ADGRL2: variants seen among roughly 807,000 people sequenced by gnomAD.
The protein encoded by ADGRL2 is adhesion G protein-coupled receptor L2.
ADGRL2 carries 44 observed loss-of-function variants against 157.4 expected under a neutral mutation model. That is an observed-to-expected ratio of 0.28 (90% CI 0.22 to 0.36). The LOEUF (loss-of-function observed/expected upper bound fraction) is 0.36, where lower values mean the gene tolerates loss of function less well. ADGRL2 is among the 10% of genes least tolerant of loss of function. The pLI is 1.00. For missense variants in ADGRL2, 1,510 were observed against 1,768.9 expected, an observed-to-expected ratio of 0.85 and a Z score of 2.63; for synonymous variants, 585 against 624.7, an observed-to-expected ratio of 0.94 and a Z score of 0.95.
chr1:81,962,611 T>C (rs1229839044), intron 11 of ADGRL2, among the ~76,000 whole-genome samples: 1 of 152,178 alleles, frequency 6.6e-6, no homozygotes, highest in Non-Finnish European at 1.5e-5. Flanking sequence ...GATCTTATAC[T>C]TCCCTTGTAA....
intron 2 of ADGRL2, among the ~76,000 whole-genome samples, chr1:81,482,379 G>A (rs756687118): frequency 2.1e-4 from 32 of 151,684 alleles, no homozygotes; most frequent in Admixed American, 1.2e-3. Flanking sequence ...CAAGTAATAC[G>A]TGTTTATTAT....
chr1:81,803,410 G>A (rs543279383), intron 1 of ADGRL2, among the ~76,000 whole-genome samples: 1 of 152,162 alleles, frequency 6.6e-6, no homozygotes, highest in African/African-American at 2.4e-5. Flanking sequence ...TAATGCTAAA[G>A]TGTCGCTGAG....
In ADGRL2 at chr1:81,622,305, G is replaced by A. The variant is rs1018290646; in HGVS notation, c.-143+41325G>A. Among the ~76,000 whole-genome samples the A allele has an allele frequency of 8.6e-5, 13 of 152,016 alleles. No individual in the cohort carries two copies. In the South Asian group the frequency reaches 1.0e-3, roughly 12 times the overall value. On this transcript the variant is annotated intron_variant, in intron 3 of 24. Transcript: ENST00000370721. The stretch of plus-strand genomic sequence containing the variant: ...TTTAAAACCTACGTTTTTTTTGGCC[G>A]GGCACGGTAGCTCATGCCTGTAATC...
rs1648821234 is a variant in ADGRL2, at chr1:81,943,695, A to G, written c.1136A>G (p.Asn379Ser). 1.9e-6 allele frequency: 3 copies of G among 1,613,512 alleles called. No homozygotes were observed. The highest frequency in any genetic ancestry group is 1.7e-6 in the Non-Finnish European group (2 of 1,179,662). The change falls in exon 6 of 24, where the codon AAC (asparagine) becomes AGC (serine). Residue 379 changes from asparagine (N) to serine (S), a missense_variant. Physicochemically the swap from Asn to Ser is conservative, Grantham distance 46. This residue lies in a region of ADGRL2 where 361 missense variants were observed against 498.4 expected (regional missense o/e 0.72). Coordinates refer to ENST00000686636, the MANE Select transcript of ADGRL2 (RefSeq NM_001366006.2). This position sits in a 1 kb window ranked among gnomAD's most constrained non-coding sequence, Gnocchi z 5.6. The stretch of plus-strand genomic sequence containing the variant: ...GCAGTGGATTACAATCCAAGAGATA[A>G]CCAACTTTACGTGTGGAACAATAAC... ...IAAVDYNPRD[N>S]QLYVWNNNFI... is the part of the protein sequence containing the mutation.
chr1:81,747,237 A>C (rs906098842), intron 1 of ADGRL2, among the ~76,000 whole-genome samples: 1 of 148,116 alleles, frequency 6.8e-6, no homozygotes, highest in African/African-American at 2.5e-5. Flanking sequence ...ATATATACAT[A>C]TATATGTATA....
chr1:81,616,669 C>CTTTTTTT (rs1304177259), intron 3 of ADGRL2, among the ~76,000 whole-genome samples: 2 of 103,778 alleles, frequency 1.9e-5, no homozygotes, highest in Non-Finnish European at 3.9e-5. Context: ...CTTTTCTTTT[C>CTTTTTTT]TTTTCTTTTC....
chr1:81,365,515 A>G (rs1462180136), intron 1 of ADGRL2, among the ~76,000 whole-genome samples: 3 of 152,078 alleles, frequency 2.0e-5, no homozygotes, highest in Non-Finnish European at 4.4e-5. Flanking sequence ...TGTTATGCTT[A>G]TTTCTATCAA....
chr1:81,362,697 A>G (rs2076000460), intron 1 of ADGRL2, among the ~76,000 whole-genome samples: 2 of 151,988 alleles, frequency 1.3e-5, no homozygotes, highest in African/African-American at 2.4e-5. Flanking sequence ...ACTGAAAAAA[A>G]TGCTCATCCT....
chr1:81,699,988 C>T (rs1383048423), intron 1 of ADGRL2, among the ~76,000 whole-genome samples: 1 of 152,144 alleles, frequency 6.6e-6, no homozygotes, highest in Non-Finnish European at 1.5e-5. Flanking sequence ...TAGCCAGCCC[C>T]TGCAATAGCT....
intron 3 of ADGRL2, among the ~76,000 whole-genome samples, chr1:81,931,175 A>G (rs2095223046): frequency 6.6e-6 from 1 of 151,942 alleles, no homozygotes; most frequent in Admixed American, 6.6e-5. Flanking sequence ...AAATAAACAA[A>G]ATTCAGTGTT....
chr1:81,759,330 C>A (rs1433355837), intron 1 of ADGRL2, among the ~76,000 whole-genome samples: 1 of 152,180 alleles, frequency 6.6e-6, no homozygotes, highest in East Asian at 1.9e-4. Context: ...CACCAGAGAA[C>A]TATCACAACT....
intron 2 of ADGRL2, among the ~76,000 whole-genome samples, chr1:81,864,678 G>A (rs961134060): frequency 2.6e-5 from 4 of 151,948 alleles, no homozygotes; most frequent in Non-Finnish European, 5.9e-5. Context: ...TAAAAGTTAC[G>A]AAGCTGGGCA....
chr1:81,858,456 A>T (rs1036137017), intron 2 of ADGRL2, among the ~76,000 whole-genome samples: 9 of 152,224 alleles, frequency 5.9e-5, no homozygotes, highest in Admixed American at 2.0e-4. Context: ...GACAATGAAT[A>T]TCATTTTACC....
intron 2 of ADGRL2, among the ~76,000 whole-genome samples, chr1:81,478,912 A>G (rs1474389502): frequency 2.0e-5 from 3 of 151,634 alleles, no homozygotes; most frequent in Non-Finnish European, 4.4e-5. Context: ...CATTGCAGTT[A>G]TTTCTCAATA....
intron 1 of ADGRL2, chr1:81,722,530 C>T: frequency 6.4e-7 from 1 of 1,552,140 alleles, no homozygotes; most frequent in Admixed American, 1.7e-5. Context: ...TGAAATAAAT[C>T]CTGATTCAGC....
At chr1:81,744,780 T>C (rs752806238) in intron 1 of ADGRL2, among the ~76,000 whole-genome samples, 8 of 152,194 alleles carry the variant, frequency 5.3e-5, no homozygotes, top group Non-Finnish European at 7.4e-5. Flanking sequence ...TGTCCGTATT[T>C]AGGTTCCTCT....
At chr1:81,414,964 A>G (rs2101474401) in intron 1 of ADGRL2, among the ~76,000 whole-genome samples, 1 of 152,292 alleles carries the variant, frequency 6.6e-6, no homozygotes, top group Middle Eastern at 3.4e-3. Flanking sequence ...GGTTATTCAT[A>G]AGACACCTGC....
At chr1:81,862,753 C>T (rs3790931) in intron 2 of ADGRL2, among the ~76,000 whole-genome samples, 3 of 152,030 alleles carry the variant, frequency 2.0e-5, no homozygotes, top group Admixed American at 2.0e-4. Context: ...TTACCACTTT[C>T]GCCTCTACCA....
At chr1:81,446,659 T>A (rs1463070692) in intron 2 of ADGRL2, among the ~76,000 whole-genome samples, 1 of 152,174 alleles carries the variant, frequency 6.6e-6, no homozygotes, top group Non-Finnish European at 1.5e-5. Context: ...GCTTACACAG[T>A]CCCGGAACAC....
Sources: allele counts gnomAD v4.1 joint callset (sites outside exome capture counted in the v4.1 genomes callset), GRCh38; gene constraint gnomAD v4.1.1; regional missense constraint gnomAD v4.1.1; non-coding constraint Gnocchi (gnomAD v3.1); transcripts MANE v1.5; gene names NCBI Gene and HGNC (gene_info 2026-07-23, HGNC 2026-07-21).